MYO5A: variants seen among roughly 807,000 people sequenced by gnomAD.
The protein encoded by MYO5A is unconventional myosin-Va.
Under a neutral mutation model 249.7 loss-of-function variants are expected in MYO5A, and 98 were observed. The ratio of observed to expected loss-of-function variants is 0.39; its 90% CI spans 0.33 to 0.46. MYO5A has a LOEUF of 0.46. Ranked by LOEUF, MYO5A falls within the 20% of genes least tolerant of loss-of-function variation. MYO5A has a pLI of 0.98. For missense variants in MYO5A, 1,696 were observed against 2,308.8 expected, an observed-to-expected ratio of 0.73 and a Z score of 5.44; for synonymous variants, 778 against 810.6, an observed-to-expected ratio of 0.96 and a Z score of 0.68.
At chr15:52,459,057 T>C (rs1956809061) in intron 1 of MYO5A, among the ~76,000 whole-genome samples, 1 of 151,050 alleles carries the variant, frequency 6.6e-6, no homozygotes, top group Admixed American at 6.6e-5. Flanking sequence ...TGGAGTGTAA[T>C]GGTGCAATCT....
chr15:52,396,186 T>C, intron 11 of MYO5A, 130 bp downstream of exon 11: 1 of 657,158 alleles, frequency 1.5e-6, no homozygotes, highest in Non-Finnish European at 2.7e-6. Context: ...CATTCATTAA[T>C]CGTCAGTTCT....
intron 18 of MYO5A, among the ~76,000 whole-genome samples, chr15:52,377,843 T>A (rs1484247367): frequency 6.6e-6 from 1 of 152,146 alleles, no homozygotes; most frequent in East Asian, 1.9e-4. Flanking sequence ...AGTGCTGGGA[T>A]TAAGGGCGTG....
intron 27 of MYO5A, among the ~76,000 whole-genome samples, chr15:52,352,908 C>T (rs1217849515): frequency 1.3e-5 from 2 of 152,196 alleles, no homozygotes; most frequent in Non-Finnish European, 1.5e-5. Context: ...TCTCTCCCTT[C>T]CCCATTCTCC....
chr15:52,464,423 A>C (rs1165894200), intron 1 of MYO5A, among the ~76,000 whole-genome samples: 1 of 152,104 alleles, frequency 6.6e-6, no homozygotes, highest in Non-Finnish European at 1.5e-5. Context: ...ATCTCTTCTT[A>C]GGACTAGTTC....
rs537349336 is a variant in MYO5A at position 52,468,715 on chromosome 15, GA to G, written c.28-35431del. Among the ~76,000 whole-genome samples, 953 of 152,242 alleles carry G rather than the reference GA, an allele frequency of 6.3e-3. 2 individuals are homozygous for G. The highest frequency in any genetic ancestry group is 0.012 in the Non-Finnish European group (795 of 68,016). On this transcript the variant is annotated intron_variant, in intron 1 of 41. Transcript: ENST00000399233. ...TATTTAAAAGTTGCAAATTAAATTT[GA>G]AAATATTTAAAGGATTGAAAATAAC... is the stretch of plus-strand genomic sequence containing the variant.
chr15:52,479,268 GC>G (rs1434614483), intron 1 of MYO5A, among the ~76,000 whole-genome samples: 1 of 152,078 alleles, frequency 6.6e-6, no homozygotes, highest in African/African-American at 2.4e-5. Flanking sequence ...GTGAGCCACT[GC>G]GCCCAGCCAA....
upstream of MYO5A, chr15:52,528,927 G>A (rs2077775885): frequency 3.6e-6 from 3 of 831,350 alleles, no homozygotes; most frequent in Non-Finnish European, 4.5e-6. Flanking sequence ...GGGCAGGGCC[G>A]GGCGGGGAGG....
At chr15:52,320,778 C>A (rs1200298237) in intron 38 of MYO5A, among the ~76,000 whole-genome samples, 2 of 152,012 alleles carry the variant, frequency 1.3e-5, no homozygotes, top group Non-Finnish European at 2.9e-5. Flanking sequence ...CTTTGGGAGG[C>A]CGAGGTGAGT....
rs1417463481 is a variant in MYO5A, at chr15:52,312,172, TAA to T, written c.*1522_*1523del. 6.6e-6 allele frequency: 1 copy of T among 152,262 alleles called. No individual in the cohort carries two copies. Among genetic ancestry groups the T allele is most frequent in the Non-Finnish European group, 1.5e-5 (1 of 68,046 alleles). The allele number at this position is 152,262 out of a possible 1,614,324, so 9.4% of individuals were successfully genotyped here. ...ATTCAACAATCTTCTATTTCTTATA[TAA>T]GTCTTCTTAAAGTATTTCTAATATG... On this transcript the variant is annotated 3_prime_UTR_variant, in exon 42 of 42. Coordinates refer to ENST00000399233, the MANE Select transcript of MYO5A (RefSeq NM_001382347.1).
intron 40 of MYO5A, among the ~76,000 whole-genome samples, chr15:52,316,015 A>G (rs1418091481): frequency 2.0e-5 from 3 of 151,844 alleles, no homozygotes; most frequent in African/African-American, 7.3e-5. Flanking sequence ...CGGGTGGATC[A>G]TGAGGTCAGG....
chr15:52,416,380 TG>T, intron 4 of MYO5A, 79 bp from the exon 5 acceptor site: 1 of 1,469,016 alleles, frequency 6.8e-7, no homozygotes, highest in Non-Finnish European at 9.4e-7. Context: ...ATGGTCTCTA[TG>T]GAAGTAGGGG....
chr15:52,381,701 C>A (rs113880370), intron 16 of MYO5A, among the ~76,000 whole-genome samples: 14 of 152,036 alleles, frequency 9.2e-5, no homozygotes, highest in African/African-American at 3.4e-4. Context: ...AAAGTGTTCA[C>A]AATCTGTCAA....
At chr15:52,412,809 T>C (rs2043305900) in intron 5 of MYO5A, among the ~76,000 whole-genome samples, 1 of 152,210 alleles carries the variant, frequency 6.6e-6, no homozygotes, top group African/African-American at 2.4e-5. Context: ...CACTCTTCTT[T>C]ACTAAATGGA....
chr15:52,471,621 C>CACACA (rs1567158075), intron 1 of MYO5A, among the ~76,000 whole-genome samples: 2 of 33,062 alleles, frequency 6.0e-5, no homozygotes, highest in East Asian at 7.8e-4. Flanking sequence ...ACACACACAC[C>CACACA]CCAAACAAAA....
intron 1 of MYO5A, among the ~76,000 whole-genome samples, chr15:52,466,845 T>TAAC (rs2076363767): frequency 6.6e-6 from 1 of 152,130 alleles, no homozygotes; most frequent in Admixed American, 6.5e-5. Context: ...CTGCAACAAT[T>TAAC]AACACAAGAG....
At chr15:52,405,809 T>C (rs1303077364) in intron 8 of MYO5A, among the ~76,000 whole-genome samples, 1 of 152,268 alleles carries the variant, frequency 6.6e-6, no homozygotes, top group Non-Finnish European at 1.5e-5. Context: ...AAACAAATTG[T>C]TGTCATCATT....
intron 22 of MYO5A, among the ~76,000 whole-genome samples, chr15:52,369,807 GA>G (rs773816828): frequency 3.4e-5 from 5 of 146,554 alleles, no homozygotes; most frequent in Non-Finnish European, 6.0e-5. Context: ...CCCTACTGAA[GA>G]AAAAGGAGTC....
At chr15:52,356,476 A>G (rs889777367) in intron 25 of MYO5A, among the ~76,000 whole-genome samples, 4 of 151,964 alleles carry the variant, frequency 2.6e-5, no homozygotes, top group Admixed American at 1.3e-4. Context: ...TTGGCATTGC[A>G]TTGTTTCCCA....
At chr15:52,378,608 C>G (rs1277532276) in intron 18 of MYO5A, among the ~76,000 whole-genome samples, 1 of 142,548 alleles carries the variant, frequency 7.0e-6, no homozygotes, top group Non-Finnish European at 1.5e-5. Context: ...GGCCTTAGCT[C>G]TTTCAAGGAA....
Sources: allele counts gnomAD v4.1 joint callset (sites outside exome capture counted in the v4.1 genomes callset), GRCh38; gene constraint gnomAD v4.1.1; transcripts MANE v1.5; gene names NCBI Gene and HGNC (gene_info 2026-07-23, HGNC 2026-07-21).